Variants in TMOD2 observed in about 807,000 individuals in gnomAD.
TMOD2 encodes tropomodulin 2.
Under a neutral mutation model 39.9 loss-of-function variants are expected in TMOD2, and 22 were observed. That is an observed-to-expected ratio of 0.55 (90% confidence interval 0.39 to 0.79). The LOEUF is 0.79. Among genes scored for constraint, TMOD2 ranks in the 30% least tolerant of loss-of-function variants. The pLI is 0.00. For missense variants in TMOD2, 386 were observed against 413.3 expected (o/e 0.93, Z 0.57); for synonymous variants, 123 against 146.1 (o/e 0.84, Z 1.14).
chr15:51,769,977 G>A (rs2141619234), intron 3 of TMOD2, among the ~76,000 whole-genome samples: 1 of 152,290 alleles, frequency 6.6e-6, no homozygotes, highest in Non-Finnish European at 1.5e-5. Context: ...GCTGCAGTGA[G>A]CCGTGATCAT....
intron 7 of TMOD2, chr15:51,784,659 A>G (rs577220170): frequency 1.0e-3 from 154 of 152,358 alleles, no homozygotes; most frequent in African/African-American, 3.5e-3. Flanking sequence ...TATCATTAAA[A>G]TAGAAAGATG....
chr15:51,765,911 C>T (rs1388908615), intron 1 of TMOD2, among the ~76,000 whole-genome samples: 1 of 152,236 alleles, frequency 6.6e-6, no homozygotes, highest in Non-Finnish European at 1.5e-5. Flanking sequence ...CTTCACATCA[C>T]TCTCTCCCTG....
chr15:51,762,158 A>AG (rs1322953214), intron 1 of TMOD2, among the ~76,000 whole-genome samples: 41 of 148,322 alleles, frequency 2.8e-4, no homozygotes, highest in Non-Finnish European at 5.5e-4. Context: ...CAAAAAAAAA[A>AG]AAAAATACAA....
intron 7 of TMOD2, among the ~76,000 whole-genome samples, chr15:51,787,570 T>A (rs546558282): frequency 6.6e-6 from 1 of 152,330 alleles, no homozygotes; most frequent in Non-Finnish European, 1.5e-5. Flanking sequence ...CTGACCCCCG[T>A]GTAGCCTGAC....
At chr15:51,781,422 T>G (rs2055928860) in intron 6 of TMOD2, among the ~76,000 whole-genome samples, 1 of 152,224 alleles carries the variant, frequency 6.6e-6, no homozygotes, top group Non-Finnish European at 1.5e-5. Flanking sequence ...AACAAATTAC[T>G]CCAAAACTTA....
At chr15:51,786,335 A>G (rs955864646) in intron 7 of TMOD2, among the ~76,000 whole-genome samples, 5 of 151,602 alleles carry the variant, frequency 3.3e-5, no homozygotes, top group African/African-American at 1.2e-4. Flanking sequence ...GAAAGTCTCC[A>G]TTTTTAGCAT....
intron 3 of TMOD2, among the ~76,000 whole-genome samples, chr15:51,770,901 A>G (rs2055849591): frequency 6.6e-6 from 1 of 152,260 alleles, no homozygotes; most frequent in Non-Finnish European, 1.5e-5. Flanking sequence ...CTATAGCAAC[A>G]TAGTTGCTGT....
rs2055939410 is a variant in TMOD2, at chr15:51,782,716, C to G, written c.625-5C>G. ...CATCAACTAGCCATGTCCTCTCTGT[C>G]TTAGAACATTCCAATTCCAACCCTG... is the stretch of plus-strand genomic sequence containing the variant. On this transcript the variant is annotated splice_region_variant and splice_polypyrimidine_tract_variant and intron_variant, in intron 6 of 9. Coordinates refer to ENST00000249700, the MANE Select transcript of TMOD2 (RefSeq NM_014548.4). 6.2e-7 allele frequency: 1 copy of G among 1,611,748 alleles called. No individual in the cohort carries two copies.
Position 51,811,966 on chromosome 15 carries a change from T to TC in TMOD2, c.*3513dup, listed in dbSNP as rs1168832534. The TC allele has an allele frequency of 6.6e-6, 1 of 152,230 alleles. No homozygotes were observed. The highest frequency in any genetic ancestry group is 1.5e-5 in the Non-Finnish European group (1 of 68,050). 9.4% of individuals were successfully genotyped at this position (152,230 alleles called of 1,614,324 possible). On this transcript the variant is annotated 3_prime_UTR_variant, in exon 10 of 10. Transcript: ENST00000249700. The stretch of plus-strand genomic sequence containing the variant: ...TAATGTATTTAACATTCCATCCTCA[T>TC]CAACATGATGAAGCCCCTTTCTTCC...
intron 8 of TMOD2, among the ~76,000 whole-genome samples, chr15:51,800,823 AG>A (rs1201701322): frequency 6.6e-6 from 1 of 152,072 alleles, no homozygotes; most frequent in Non-Finnish European, 1.5e-5. Context: ...CTCCCACTTC[AG>A]CCTTCTGAGT....
chr15:51,775,523 TC>T (rs1290193348), intron 4 of TMOD2, among the ~76,000 whole-genome samples: 2 of 151,036 alleles, frequency 1.3e-5, no homozygotes, highest in African/African-American at 2.4e-5. Context: ...GGACACCTTC[TC>T]CTTCTCCTGT....
chr15:51,805,267 T>TA lies in TMOD2; in HGVS notation c.877-1101dup, dbSNP rs1014889853. Among the ~76,000 whole-genome samples, 31 of 149,994 alleles carry TA rather than the reference T, an allele frequency of 2.1e-4. No individual in the cohort carries two copies. In the East Asian group the frequency reaches 4.9e-3, roughly 24 times the overall value. ...GAGCCACGGTGCCCGGCCTCCGTCT[T>TA]AAAAAAAAAGAAAAAAAAACCCTCT... On this transcript the variant is annotated intron_variant, in intron 8 of 9. Transcript: ENST00000249700.
At chr15:51,759,968 G>A (rs1054748528) in intron 1 of TMOD2, among the ~76,000 whole-genome samples, 5 of 152,160 alleles carry the variant, frequency 3.3e-5, no homozygotes, top group Admixed American at 3.3e-4. Flanking sequence ...CCCCTCCCCT[G>A]CTCTCCAGTT....
chr15:51,782,762 G>A lies in TMOD2; in HGVS notation c.666G>A (p.Leu222=), dbSNP rs1382702484. The change falls in exon 7 of 10, where the codon CTG becomes CTA. Residue 222 remains leucine, a synonymous_variant. Coordinates refer to ENST00000249700, the MANE Select transcript of TMOD2 (RefSeq NM_014548.4). ...CCCTGAGGGAATTTGCAAAGGCTCT[G>A]GAGACCAACACTCACGTGAAGAAGT... The part of the protein sequence containing the change: ...IPTLREFAKA[L]ETNTHVKKFS... 1.9e-6 allele frequency: 3 copies of A among 1,613,914 alleles called. No homozygotes were observed. Among genetic ancestry groups the A allele is most frequent in the Non-Finnish European group, 2.5e-6 (3 of 1,179,930 alleles).
chr15:51,786,408 T>C (rs899001689), intron 7 of TMOD2, among the ~76,000 whole-genome samples: 14 of 152,244 alleles, frequency 9.2e-5, no homozygotes, highest in African/African-American at 3.1e-4. Flanking sequence ...AACCTTATTC[T>C]GCTTTCATGT....
chr15:51,773,604 C>T lies in TMOD2; in HGVS notation c.284-108C>T, dbSNP rs573407008. ...GGAATCTCGGTTGGATATGAACTGG[C>T]TTAATTATATGGGTCTCAATGGCCA... On this transcript the variant is annotated intron_variant, in intron 3 of 9. Transcript: ENST00000249700. The T allele has an allele frequency of 3.6e-5, 42 of 1,162,928 alleles. 1 individual carries two copies. The East Asian group carries it at 9.7e-4, about 27-fold the overall frequency. 72.0% of individuals were successfully genotyped at this position (1,162,928 alleles called of 1,614,324 possible). A position where few individuals can be genotyped will look rare whatever the true frequency, so the allele number is the denominator to read the frequency against.
intron 2 of TMOD2, 94 bp from the exon 3 acceptor site, chr15:51,768,168 T>A: frequency 1.4e-6 from 2 of 1,436,316 alleles, no homozygotes; most frequent in African/African-American, 1.4e-5. Flanking sequence ...TCCTTCCTGC[T>A]TCCCCAGCAC....
Position 51,798,215 on chromosome 15 carries a change from A to G in TMOD2, c.751A>G (p.Lys251Glu). The G allele has an allele frequency of 6.2e-7, 1 of 1,605,560 alleles. No homozygotes were observed. The highest frequency in any genetic ancestry group is 1.7e-4 in the Middle Eastern group (1 of 6,044). ...PVAIAFADML[K>E]VNKTLTSLNI... Reference sequence around the variant, plus strand: ...TCATAAGGCTTTTGCAGACATGCTGAAAGTAAACAAGACCTTGACAAGTCT... The same window carrying G: ...TCATAAGGCTTTTGCAGACATGCTGGAAGTAAACAAGACCTTGACAAGTCT... The change falls in exon 8 of 10, where the codon AAA becomes GAA. Residue 251 changes from lysine (K) to glutamate (E), a missense_variant. By Grantham distance (56) the Lys-to-Glu change is moderately conservative. Coordinates refer to ENST00000249700, the MANE Select transcript of TMOD2 (RefSeq NM_014548.4).
chr15:51,760,575 T>C (rs1275655074), intron 1 of TMOD2, among the ~76,000 whole-genome samples: 1 of 152,152 alleles, frequency 6.6e-6, no homozygotes, highest in African/African-American at 2.4e-5. Flanking sequence ...GAGGCCGAAG[T>C]GAGTGGATCA....
Sources: gnomAD v4.1 joint callset for allele counts (sites outside exome capture counted in the v4.1 genomes callset) on GRCh38, gnomAD v4.1.1 for gene constraint, MANE v1.5 for transcripts, NCBI Gene and HGNC (gene_info 2026-07-23, HGNC 2026-07-21) for gene names.